The following KCNH5 variants were observed in gnomAD, a reference collection of about 807,000 sequenced individuals.
The protein encoded by KCNH5 is potassium voltage-gated channel subfamily H member 5, also known as voltage-gated delayed rectifier potassium channel KCNH5.
Under a neutral mutation model 96.1 loss-of-function variants are expected in KCNH5, and 46 were observed. The observed-to-expected ratio is 0.48, with a 90% CI of 0.38 to 0.61. KCNH5 has a LOEUF of 0.61. Among genes scored for constraint, KCNH5 ranks in the 20% least tolerant of loss-of-function variants. The probability of loss-of-function intolerance (pLI) is 0.00; values close to 1 mark genes in which losing one functional copy is unlikely to be tolerated. For missense variants in KCNH5, 907 were observed against 1,225.8 expected (o/e 0.74, Z 3.88); for synonymous variants, 439 against 449.8 (o/e 0.98, Z 0.30).
intron 1 of KCNH5, among the ~76,000 whole-genome samples, chr14:63,038,239 T>G (rs978029504): frequency 6.6e-6 from 1 of 152,140 alleles, no homozygotes; most frequent in African/African-American, 2.4e-5. Flanking sequence ...GAGACAAAAA[T>G]CAAAAAAGCA....
chr14:63,013,151 GAAGA>G (rs1856830948), intron 2 of KCNH5, among the ~76,000 whole-genome samples: 1 of 151,814 alleles, frequency 6.6e-6, no homozygotes, highest in Admixed American at 6.6e-5. Flanking sequence ...TAAGAAAACA[GAAGA>G]AAGAAATATT....
chr14:62,792,226 T>C (rs1886450213), intron 9 of KCNH5, among the ~76,000 whole-genome samples: 1 of 151,568 alleles, frequency 6.6e-6, no homozygotes, highest in Admixed American at 6.6e-5. Flanking sequence ...CCAAAGTCAT[T>C]ATGTTAAAAA....
chr14:63,019,305 A>G (rs1007090694), intron 1 of KCNH5, among the ~76,000 whole-genome samples: 3 of 152,100 alleles, frequency 2.0e-5, no homozygotes, highest in Non-Finnish European at 4.4e-5. Flanking sequence ...ATACAATCAC[A>G]ATGAAAATGA....
chr14:62,927,625 T>A (rs757580488), intron 7 of KCNH5, among the ~76,000 whole-genome samples: 3 of 152,050 alleles, frequency 2.0e-5, no homozygotes, highest in Non-Finnish European at 4.4e-5. Flanking sequence ...GTGAAATAAT[T>A]CAGTCACAAA....
intron 7 of KCNH5, among the ~76,000 whole-genome samples, chr14:62,853,326 C>A (rs1468141039): frequency 6.6e-6 from 1 of 151,512 alleles, no homozygotes. Context: ...GGAATCTTCA[C>A]AAAAGGGTTG....
chr14:62,790,791 T>C (rs2139988149), intron 9 of KCNH5, among the ~76,000 whole-genome samples: 1 of 151,948 alleles, frequency 6.6e-6, no homozygotes, highest in Middle Eastern at 3.4e-3. Flanking sequence ...TATTTGCATA[T>C]AGAAATGCTG....
At chr14:62,956,064 C>T (rs537015105) in intron 6 of KCNH5, among the ~76,000 whole-genome samples, 2 of 152,272 alleles carry the variant, frequency 1.3e-5, no homozygotes, top group Admixed American at 1.3e-4. Flanking sequence ...CAGCACTGAG[C>T]ATATCGTCCA....
intron 1 of KCNH5, among the ~76,000 whole-genome samples, chr14:63,024,696 G>C (rs990198433): frequency 6.6e-6 from 1 of 151,928 alleles, no homozygotes; most frequent in Non-Finnish European, 1.5e-5. Context: ...TAGACACATA[G>C]AGCCTACCAA....
chr14:62,858,858 T>C (rs114908584), intron 7 of KCNH5, among the ~76,000 whole-genome samples: 54 of 152,304 alleles, frequency 3.5e-4, no homozygotes, highest in African/African-American at 1.2e-3. Flanking sequence ...TATCACCTAA[T>C]TGGCATTGTA....
chr14:63,042,381 G>A (rs979444794), intron 1 of KCNH5, among the ~76,000 whole-genome samples: 1 of 151,916 alleles, frequency 6.6e-6, no homozygotes, highest in Non-Finnish European at 1.5e-5. Flanking sequence ...TATTATCTGG[G>A]TATCTCTCTA....
At chr14:62,949,108 G>T (rs1240875209) in intron 7 of KCNH5, among the ~76,000 whole-genome samples, 1 of 151,996 alleles carries the variant, frequency 6.6e-6, no homozygotes, top group East Asian at 1.9e-4. Context: ...ACAAGACAAG[G>T]ATGCCCTCTC....
intron 7 of KCNH5, among the ~76,000 whole-genome samples, chr14:62,894,424 G>A (rs192751409): frequency 6.6e-6 from 1 of 152,322 alleles, no homozygotes; most frequent in Non-Finnish European, 1.5e-5. Context: ...AGCAATTTAA[G>A]TGTTTTCTTT....
intron 10 of KCNH5, among the ~76,000 whole-genome samples, chr14:62,719,723 G>A (rs968811566): frequency 6.6e-6 from 1 of 152,164 alleles, no homozygotes; most frequent in Non-Finnish European, 1.5e-5. Flanking sequence ...CCAAGACTTA[G>A]CTATTGTTAC....
intron 8 of KCNH5, among the ~76,000 whole-genome samples, chr14:62,803,211 A>T (rs1886701031): frequency 6.6e-6 from 1 of 151,514 alleles, no homozygotes; most frequent in East Asian, 1.9e-4. Flanking sequence ...AGTTAATGTC[A>T]TTTCATCAAA....
At chr14:62,718,303 A>C (rs577847790) in intron 10 of KCNH5, among the ~76,000 whole-genome samples, 1 of 152,270 alleles carries the variant, frequency 6.6e-6, no homozygotes, top group African/African-American at 2.4e-5. Flanking sequence ...TATAATAATA[A>C]TAATATATCT....
At chr14:62,875,357 G>A (rs1265884723) in intron 7 of KCNH5, among the ~76,000 whole-genome samples, 1 of 151,982 alleles carries the variant, frequency 6.6e-6, no homozygotes, top group Non-Finnish European at 1.5e-5. Context: ...AGTTCATATG[G>A]AACCAAAAAA....
chr14:62,804,396 A>G (rs541994074), intron 8 of KCNH5, among the ~76,000 whole-genome samples: 5 of 152,308 alleles, frequency 3.3e-5, no homozygotes, highest in Admixed American at 6.5e-5. Context: ...TATATTAGTC[A>G]TTCTATAGGC....
intron 1 of KCNH5, among the ~76,000 whole-genome samples, chr14:63,041,620 T>C (rs554000832): frequency 3.3e-5 from 5 of 152,290 alleles, no homozygotes; most frequent in African/African-American, 1.2e-4. Flanking sequence ...TTATAATTCC[T>C]TTTGTCTAGA....
At chr14:62,877,360 A>C (rs946828970) in intron 7 of KCNH5, among the ~76,000 whole-genome samples, 98 of 152,006 alleles carry the variant, frequency 6.4e-4, no homozygotes, top group African/African-American at 2.1e-3. Flanking sequence ...TAATTAAACT[A>C]AAGAGCTTCT....
Sources: allele counts gnomAD v4.1 joint callset (sites outside exome capture counted in the v4.1 genomes callset), GRCh38; gene constraint gnomAD v4.1.1; transcripts MANE v1.5; gene names NCBI Gene and HGNC (gene_info 2026-07-23, HGNC 2026-07-21).